The following PDXDC1 variants were observed in gnomAD, a reference collection of about 807,000 sequenced individuals.
PDXDC1 encodes the protein pyridoxal dependent decarboxylase domain containing 1, also known as pyridoxal-dependent decarboxylase domain-containing protein 1.
A neutral mutation model predicts 100.1 loss-of-function variants in PDXDC1; 42 were observed. The observed-to-expected ratio is 0.42, with a 90% CI of 0.33 to 0.54. PDXDC1 has a LOEUF of 0.54. Ranked by LOEUF, PDXDC1 falls within the 20% of genes least tolerant of loss-of-function variation. The probability of loss-of-function intolerance (pLI) is 0.10; values close to 1 mark genes in which losing one functional copy is unlikely to be tolerated. For missense variants in PDXDC1, 636 were observed against 979.2 expected (o/e 0.65, Z 4.68); for synonymous variants, 260 against 371.7 (o/e 0.70, Z 3.46).
At chr16:15,131,460 G>A in intron 16 of PDXDC1, 1 of 1,607,788 alleles carries the variant, frequency 6.2e-7, no homozygotes, top group African/African-American at 1.3e-5. Context: ...AGAAGTGGCA[G>A]CCAGGCCCTG....
chr16:15,057,752 CAA>C (rs955490433), intron 16 of PDXDC1, among the ~76,000 whole-genome samples: 1 of 152,168 alleles, frequency 6.6e-6, no homozygotes, highest in Non-Finnish European at 1.5e-5. Flanking sequence ...AATTGCAGAG[CAA>C]AGAGTAGTCA....
At chr16:15,083,864 G>A (rs2045804531) in intron 16 of PDXDC1, 1 of 314,132 alleles carries the variant, frequency 3.2e-6, no homozygotes. Flanking sequence ...TTACAGGCAT[G>A]CGCCACCATG....
chr16:15,086,153 T>C (rs377212000), intron 16 of PDXDC1: 22 of 1,606,506 alleles, frequency 1.4e-5, no homozygotes, highest in Non-Finnish European at 1.8e-5. Context: ...GAAGCAATCA[T>C]GCTGAGACAC....
chr16:15,043,227 A>G (rs764974080), downstream of PDXDC1, among the ~76,000 whole-genome samples: 20 of 149,648 alleles, frequency 1.3e-4, no homozygotes, highest in South Asian at 1.5e-3. Context: ...GTAGAGACAG[A>G]GTTTCACCAT....
At chr16:15,041,514 G>C, downstream of PDXDC1, 1 of 804,514 alleles carries the variant, frequency 1.2e-6, no homozygotes, top group Non-Finnish European at 2.3e-6. Context: ...AACAGATGGT[G>C]GCCAAGCAGT....
the PDXDC1 span, among the ~76,000 whole-genome samples, chr16:15,144,541 AAC>A: frequency 6.6e-6 from 1 of 152,156 alleles, no homozygotes; most frequent in Non-Finnish European, 1.5e-5. Context: ...GGCCCCAGGC[AAC>A]AGAGCCCTGC....
chr16:14,984,219 C>T (rs1173267959), intron 1 of PDXDC1, among the ~76,000 whole-genome samples: 2 of 151,340 alleles, frequency 1.3e-5, no homozygotes, highest in African/African-American at 2.4e-5. Flanking sequence ...TTCTGTCTCC[C>T]TGAAAATGTC....
rs2041876410 is a variant in PDXDC1 at position 15,017,442 on chromosome 16, G to A, written c.963+20G>A. 1 of 1,600,046 alleles carries A rather than the reference G, an allele frequency of 6.2e-7. No homozygotes were observed. The highest frequency in any genetic ancestry group is 8.6e-7 in the Non-Finnish European group (1 of 1,168,150). ...GCCTTGGTAAGTTTCCACTCACTGG[G>A]GAGGGAGTGGGTGTGGCTAATACAC... On this transcript the variant is annotated intron_variant, in intron 11 of 22. Coordinates refer to ENST00000396410, the MANE Select transcript of PDXDC1 (RefSeq NM_015027.4).
intron 16 of PDXDC1, among the ~76,000 whole-genome samples, chr16:15,030,517 GC>G (rs1228495322): frequency 5.4e-5 from 7 of 128,542 alleles, no homozygotes; most frequent in African/African-American, 1.7e-4. Flanking sequence ...CTGCACTCCA[GC>G]CTGGGGGACA....
At chr16:15,027,634 A>G (rs1476651534) in intron 14 of PDXDC1, among the ~76,000 whole-genome samples, 1 of 152,290 alleles carries the variant, frequency 6.6e-6, no homozygotes, top group Non-Finnish European at 1.5e-5. Flanking sequence ...TGGGCCGCTC[A>G]GCGGCCCTGG....
At chr16:15,070,304 G>C (rs1160393258) in intron 16 of PDXDC1, 1 of 1,602,622 alleles carries the variant, frequency 6.2e-7, no homozygotes, top group East Asian at 2.2e-5. Flanking sequence ...AAAAAAACCA[G>C]AATAACATAA....
At chr16:15,128,999 G>A (rs2047911184) in intron 16 of PDXDC1, among the ~76,000 whole-genome samples, 1 of 150,838 alleles carries the variant, frequency 6.6e-6, no homozygotes, top group Admixed American at 6.6e-5. Flanking sequence ...AGTAGAGACA[G>A]GGTTTCACCG....
At chr16:15,106,635 A>G (rs1279064556) in intron 16 of PDXDC1, among the ~76,000 whole-genome samples, 1 of 148,608 alleles carries the variant, frequency 6.7e-6, no homozygotes, top group Non-Finnish European at 1.5e-5. Context: ...GGCACCTGTA[A>G]GCCCAGCTAC....
intron 16 of PDXDC1, among the ~76,000 whole-genome samples, chr16:15,112,295 G>T (rs201904788): frequency 6.3e-5 from 9 of 141,764 alleles, no homozygotes; most frequent in South Asian, 2.3e-4. Flanking sequence ...CTTGGCTCAC[G>T]GCAACCTCCA....
intron 7 of PDXDC1, 80 bp downstream of exon 7, chr16:15,008,927 C>G: frequency 7.3e-7 from 1 of 1,365,860 alleles, no homozygotes; most frequent in East Asian, 2.4e-5. Flanking sequence ...TTTTTGCTGG[C>G]CTCCAGATAA....
At chr16:15,087,944 G>C (rs183877859) in intron 16 of PDXDC1, among the ~76,000 whole-genome samples, 2 of 152,030 alleles carry the variant, frequency 1.3e-5, no homozygotes, top group African/African-American at 4.8e-5. Flanking sequence ...GAGAAACCCC[G>C]TCTCTACTAA....
chr16:15,146,002 A>C, the PDXDC1 span, among the ~76,000 whole-genome samples: 180 of 152,270 alleles, frequency 1.2e-3, 3 homozygotes, highest in African/African-American at 4.3e-3. Flanking sequence ...GCAGGGGGAG[A>C]GGCACCCCAA....
intron 11 of PDXDC1, among the ~76,000 whole-genome samples, chr16:15,018,449 T>C (rs566455824): frequency 2.6e-5 from 4 of 152,374 alleles, no homozygotes; most frequent in African/African-American, 9.6e-5. Flanking sequence ...CTTGATAATA[T>C]AGGTCAGCGT....
chr16:15,070,206 G>C (rs2045162205), intron 16 of PDXDC1: 1 of 1,606,846 alleles, frequency 6.2e-7, no homozygotes, highest in East Asian at 2.2e-5. Flanking sequence ...GGTTATTAAG[G>C]TATATGTGCA....
Sources: gnomAD v4.1 joint callset for allele counts (sites outside exome capture counted in the v4.1 genomes callset) on GRCh38, gnomAD v4.1.1 for gene constraint, MANE v1.5 for transcripts, NCBI Gene and HGNC (gene_info 2026-07-23, HGNC 2026-07-21) for gene names.